The following PADI2 variants were observed in gnomAD, a reference collection of about 807,000 sequenced individuals.
The protein encoded by PADI2 is peptidyl arginine deiminase 2, also known as protein-arginine deiminase type-2.
Under a neutral mutation model 81.1 loss-of-function variants are expected in PADI2, and 70 were observed. The observed-to-expected ratio is 0.86, with a 90% confidence interval of 0.71 to 1.05. The LOEUF (loss-of-function observed/expected upper bound fraction) is 1.05. PADI2 is among the 50% of genes least tolerant of loss of function. PADI2 has a pLI of 0.00. For synonymous variants in PADI2, 338 were observed against 358.0 expected, an observed-to-expected ratio of 0.94 and a Z score of 0.63; for missense variants, 853 against 889.9, an observed-to-expected ratio of 0.96 and a Z score of 0.53.
chr1:17,075,813 G>C lies in PADI2; in HGVS notation c.1321C>G (p.Arg441Gly), dbSNP rs756108449. The C allele has an allele frequency of 6.2e-7, 1 of 1,613,382 alleles. No homozygotes were observed. The highest frequency in any genetic ancestry group is 1.3e-5 in the African/African-American group (1 of 74,846). ...TCACGCACCACCTTGGTCATCCTCC[G>C]ACCACCAGACCTGGAGAAGGGAGGA... The part of the protein sequence containing the change: ...IGSSFPLSGG[R>G]RMTKVVRDFL... Residue 441 changes from arginine to glycine, a missense_variant, in exon 12 of 16, where the codon CGG becomes GGG. Physicochemically the swap from Arg to Gly is moderately radical, Grantham distance 125. Coordinates refer to ENST00000375486, the MANE Select transcript of PADI2 (RefSeq NM_007365.3).
chr1:17,075,400 G>T, intron 12 of PADI2: 2 of 413,186 alleles, frequency 4.8e-6, no homozygotes, highest in South Asian at 6.6e-5. Flanking sequence ...TGTCATGTGA[G>T]TAAAATCTTT....
chr1:17,113,007 C>T (rs544572823), intron 1 of PADI2, among the ~76,000 whole-genome samples: 2 of 152,252 alleles, frequency 1.3e-5, no homozygotes, highest in Admixed American at 1.3e-4. Context: ...TCACTCTGAA[C>T]CCCAGTCCAT....
At chr1:17,078,404 C>A (rs1449183564) in intron 11 of PADI2, among the ~76,000 whole-genome samples, 3 of 151,772 alleles carry the variant, frequency 2.0e-5, no homozygotes, top group Non-Finnish European at 2.9e-5. Context: ...AGCCACCGCA[C>A]CAGGCCTGAT....
Position 17,092,415 on chromosome 1 carries a change from G to T in PADI2, c.648C>A (p.Tyr216Ter). ...TGGGCTGGGATCACTCACTCTCCACGTAGAACACGCCCACTTTGTCTGAGT... is the reference window on the plus strand; with the variant it reads ...TGGGCTGGGATCACTCACTCTCCACTTAGAACACGCCCACTTTGTCTGAGT... ...MSDSDKVGVF[Y>*]VENPFFGQRY... Residue 216 changes from tyrosine to a stop codon, truncating the protein, a stop_gained, in exon 6 of 16, where the codon TAC (tyrosine) becomes TAA (stop). Transcript: ENST00000375486. LOFTEE classifies it high-confidence loss of function. The T allele has an allele frequency of 6.2e-7, 1 of 1,605,516 alleles. No individual in the cohort carries two copies. Among genetic ancestry groups the T allele is most frequent in the African/African-American group, 1.4e-5 (1 of 73,778 alleles).
At chr1:17,104,092 C>T (rs1931250930) in intron 2 of PADI2, among the ~76,000 whole-genome samples, 1 of 149,964 alleles carries the variant, frequency 6.7e-6, no homozygotes, top group Admixed American at 6.7e-5. Flanking sequence ...AGCATCCTGG[C>T]TAACACGGTG....
At chr1:17,098,153 GCT>G (rs1931012811) in intron 3 of PADI2, among the ~76,000 whole-genome samples, 1 of 152,150 alleles carries the variant, frequency 6.6e-6, no homozygotes, top group Admixed American at 6.5e-5. Context: ...CCGGCTGCCT[GCT>G]CTCTGCTGTT....
At chr1:17,094,831 T>A (rs557987174) in intron 4 of PADI2, among the ~76,000 whole-genome samples, 14 of 152,352 alleles carry the variant, frequency 9.2e-5, no homozygotes, top group African/African-American at 3.1e-4. Flanking sequence ...GCCCTGGGGC[T>A]GCTGGGTTTC....
chr1:17,081,813 C>CAAAG (rs773672755), intron 10 of PADI2, among the ~76,000 whole-genome samples: 1 of 151,972 alleles, frequency 6.6e-6, no homozygotes, highest in African/African-American at 2.4e-5. Context: ...AACAAACAAA[C>CAAAG]AAAGAAACAA....
intron 8 of PADI2, among the ~76,000 whole-genome samples, chr1:17,084,313 T>C (rs564889159): frequency 1.3e-5 from 2 of 152,336 alleles, no homozygotes; most frequent in South Asian, 4.1e-4. Context: ...TTCCACTGCA[T>C]AGGAGGTTGC....
chr1:17,075,009 G>T, intron 12 of PADI2, 60 bp from the exon 13 acceptor site: 1 of 1,121,380 alleles, frequency 8.9e-7, no homozygotes, highest in Non-Finnish European at 1.3e-6. Context: ...AGGAGCACGG[G>T]GAGGCCCTGC....
chr1:17,075,915 C>T, intron 11 of PADI2, 92 bp from the exon 12 acceptor site: 1 of 1,242,786 alleles, frequency 8.0e-7, no homozygotes, highest in Non-Finnish European at 1.2e-6. Context: ...CACCTCGGAC[C>T]CAGAGTGACA....
Position 17,075,687 on chromosome 1 carries a change from C to A in PADI2, c.1447G>T (p.Gly483Cys). 1 of 1,611,098 alleles carries A rather than the reference C, an allele frequency of 6.2e-7. No individual in the cohort carries two copies. Among genetic ancestry groups the A allele is most frequent in the African/African-American group, 1.3e-5 (1 of 74,788 alleles). ...TCGGGAGGCTAGCTTACCTTTGTGCCGGGGATGGGGACAAAGGACATGAAC... is the reference window on the plus strand; with the variant it reads ...TCGGGAGGCTAGCTTACCTTTGTGCAGGGGATGGGGACAAAGGACATGAAC... ...DEFMSFVPIP[G>C]TKKFLLLMAS... Residue 483 changes from glycine to cysteine, a missense_variant, in exon 12 of 16, where the codon GGC becomes TGC. Transcript: ENST00000375486.
chr1:17,075,614 C>A, intron 12 of PADI2, 65 bp downstream of exon 12: 1 of 1,440,122 alleles, frequency 6.9e-7, no homozygotes, highest in Non-Finnish European at 9.5e-7. Flanking sequence ...CCTCTGCTGG[C>A]AGGGGCGGGT....
At chr1:17,076,389 A>G (rs1240333926) in intron 11 of PADI2, among the ~76,000 whole-genome samples, 1 of 151,038 alleles carries the variant, frequency 6.6e-6, no homozygotes, top group Admixed American at 6.6e-5. Context: ...TAATTTTTGC[A>G]TTTTTAGTAG....
At chr1:17,084,821 C>A (rs1036025602) in intron 7 of PADI2, 119 bp from the exon 8 acceptor site, 13 of 641,596 alleles carry the variant, frequency 2.0e-5, no homozygotes, top group Non-Finnish European at 3.6e-5. Context: ...ACTTGCTATG[C>A]ACCAAGCCTG....
chr1:17,101,898 T>C (rs1465477696), intron 3 of PADI2, among the ~76,000 whole-genome samples: 3 of 152,332 alleles, frequency 2.0e-5, no homozygotes, highest in African/African-American at 7.2e-5. Context: ...ATATCTATCC[T>C]TGGAATAGTT....
chr1:17,089,635 GAC>G (rs1930608290), intron 6 of PADI2, among the ~76,000 whole-genome samples: 1 of 152,118 alleles, frequency 6.6e-6, no homozygotes, highest in African/African-American at 2.4e-5. Flanking sequence ...GCTGCTTTCT[GAC>G]AGTTGGGGCC....
At chr1:17,075,882 A>C (rs1281277497) in intron 11 of PADI2, 59 bp from the exon 12 acceptor site, 3 of 1,558,626 alleles carry the variant, frequency 1.9e-6, no homozygotes, top group Non-Finnish European at 2.6e-6. Context: ...AGGGCCTGCA[A>C]GAGGAGTTTG....
At chr1:17,109,994 T>C (rs1233834967) in intron 1 of PADI2, among the ~76,000 whole-genome samples, 3 of 152,126 alleles carry the variant, frequency 2.0e-5, no homozygotes, top group African/African-American at 7.2e-5. Flanking sequence ...CCAGCCCACA[T>C]CGCAGCTCCA....
Sources: gnomAD v4.1 joint callset for allele counts (sites outside exome capture counted in the v4.1 genomes callset) on GRCh38, gnomAD v4.1.1 for gene constraint, MANE v1.5 for transcripts, NCBI Gene and HGNC (gene_info 2026-07-23, HGNC 2026-07-21) for gene names.